The following BORCS5 variants were observed in gnomAD, a reference collection of about 807,000 sequenced individuals.
BORCS5 encodes BLOC-1-related complex subunit 5.
In BORCS5, 17 loss-of-function variants were observed where a neutral mutation model predicts 22.1. The observed-to-expected ratio is 0.77, with a 90% CI of 0.53 to 1.15. BORCS5 has a LOEUF of 1.15. Among genes scored for constraint, BORCS5 ranks in the 50% most tolerant of loss-of-function variants. BORCS5 has a pLI of 0.00. For missense variants in BORCS5, 247 were observed against 253.2 expected, an observed-to-expected ratio of 0.98 and a Z score of 0.17; for synonymous variants, 117 against 99.8, an observed-to-expected ratio of 1.17 and a Z score of -1.03.
intron 2 of BORCS5, among the ~76,000 whole-genome samples, chr12:12,422,651 C>G (rs571749219): frequency 1.3e-5 from 2 of 152,160 alleles, no homozygotes; most frequent in South Asian, 2.1e-4. Flanking sequence ...AGAGGCAGAG[C>G]AGTGACAGCT....
chr12:12,374,176 A>T (rs959545969), intron 2 of BORCS5, among the ~76,000 whole-genome samples: 1 of 150,852 alleles, frequency 6.6e-6, no homozygotes, highest in African/African-American at 2.4e-5. Context: ...TATTTTTAGT[A>T]GAGATGGGGT....
intron 3 of BORCS5, among the ~76,000 whole-genome samples, chr12:12,444,798 G>T (rs1422556349): frequency 6.6e-6 from 1 of 151,814 alleles, no homozygotes; most frequent in Admixed American, 6.6e-5. Flanking sequence ...TATTCAATAT[G>T]ATTTCAACTG....
Position 12,357,390 on chromosome 12 carries a change from C to A in BORCS5, c.-62C>A, listed in dbSNP as rs1863165173. The A allele has an allele frequency of 5.7e-6, 9 of 1,577,748 alleles. No homozygotes were observed. Among genetic ancestry groups the A allele is most frequent in the Admixed American group, 1.8e-5 (1 of 56,958 alleles). ...CCGGTCCCTGGCCCCTGCCCTGTCGCCCGCCGCCGGAGCGGTGACCGCCCG... is the reference window on the plus strand; with the variant it reads ...CCGGTCCCTGGCCCCTGCCCTGTCGACCGCCGCCGGAGCGGTGACCGCCCG... On this transcript the variant is annotated 5_prime_UTR_variant, in exon 1 of 4. Coordinates refer to ENST00000314565, the MANE Select transcript of BORCS5 (RefSeq NM_058169.6).
intron 2 of BORCS5, among the ~76,000 whole-genome samples, chr12:12,362,416 GTTTC>G (rs1446673848): frequency 9.2e-5 from 14 of 152,014 alleles, no homozygotes; most frequent in African/African-American, 3.1e-4. Flanking sequence ...CAAGCTTTCA[GTTTC>G]TTTTTTATTA....
At chr12:12,397,570 A>G (rs1228740838) in intron 2 of BORCS5, among the ~76,000 whole-genome samples, 1 of 152,222 alleles carries the variant, frequency 6.6e-6, no homozygotes, top group East Asian at 1.9e-4. Context: ...GTGGAATGGA[A>G]AGAGTTTTAA....
chr12:12,424,959 C>A (rs999903748), intron 2 of BORCS5, among the ~76,000 whole-genome samples: 27 of 152,206 alleles, frequency 1.8e-4, no homozygotes, highest in Admixed American at 1.6e-3. Context: ...AAAGTCACTT[C>A]AGCGTGAGTG....
intron 2 of BORCS5, among the ~76,000 whole-genome samples, chr12:12,387,883 A>G (rs1863916592): frequency 6.6e-6 from 1 of 151,386 alleles, no homozygotes; most frequent in Non-Finnish European, 1.5e-5. Flanking sequence ...AATCCCCACG[A>G]TTAACACACC....
At chr12:12,436,174 C>T (rs908661173) in intron 3 of BORCS5, among the ~76,000 whole-genome samples, 2 of 152,150 alleles carry the variant, frequency 1.3e-5, no homozygotes, top group African/African-American at 4.8e-5. Context: ...TTAATTGTTT[C>T]CTGTGTATAA....
intron 2 of BORCS5, among the ~76,000 whole-genome samples, chr12:12,403,806 C>T (rs1308585438): frequency 6.6e-6 from 1 of 152,036 alleles, no homozygotes; most frequent in Non-Finnish European, 1.5e-5. Context: ...GGTCAGAGAA[C>T]CAAGGAGTGG....
intron 2 of BORCS5, among the ~76,000 whole-genome samples, chr12:12,369,331 C>T (rs1863471570): frequency 6.6e-6 from 1 of 152,048 alleles, no homozygotes; most frequent in African/African-American, 2.4e-5. Flanking sequence ...TAAAGGGCAT[C>T]TCTTGTAGAC....
chr12:12,407,510 T>G (rs1490034693), intron 2 of BORCS5, among the ~76,000 whole-genome samples: 1 of 152,090 alleles, frequency 6.6e-6, no homozygotes, highest in Non-Finnish European at 1.5e-5. Context: ...ATTTATCATT[T>G]TAATCCTTTT....
In BORCS5 at chr12:12,381,152, C is replaced by T. The variant is rs749806268; in HGVS notation, c.202+19803C>T. ...TTAGCCTCCCAGGTAGCTGGGATTA[C>T]GGGTGCCTGGCTCATTTTTGTGTTT... On this transcript the variant is annotated intron_variant, in intron 2 of 3. Coordinates refer to ENST00000314565, the MANE Select transcript of BORCS5 (RefSeq NM_058169.6). 5.2e-4 allele frequency among the ~76,000 whole-genome samples: 78 copies of T among 150,744 alleles called. 1 individual carries two copies. The highest frequency in any genetic ancestry group is 7.9e-4 in the Non-Finnish European group (53 of 67,484).
rs1176394162 is a variant in BORCS5 at position 12,468,202 on chromosome 12, C to T, written c.*2426C>T. 6.6e-6 allele frequency: 1 copy of T among 152,224 alleles called. No individual in the cohort carries two copies. The allele number at this position is 152,224 out of a possible 1,614,324, so 9.4% of individuals were successfully genotyped here. Reference sequence around the variant, plus strand: ...TAATTGCTCAAACCGCTTTCACAATCCTCTCTTTCTACATCATTCCTAGTG... The same window carrying T: ...TAATTGCTCAAACCGCTTTCACAATTCTCTCTTTCTACATCATTCCTAGTG... On this transcript the variant is annotated 3_prime_UTR_variant, in exon 4 of 4. Transcript: ENST00000314565.
chr12:12,396,707 T>C (rs1474085476), intron 2 of BORCS5, among the ~76,000 whole-genome samples: 1 of 152,224 alleles, frequency 6.6e-6, no homozygotes, highest in African/African-American at 2.4e-5. Flanking sequence ...TCTGGGTCTG[T>C]ATGTTTAAAC....
At chr12:12,419,385 T>A (rs943702816) in intron 2 of BORCS5, among the ~76,000 whole-genome samples, 1 of 152,242 alleles carries the variant, frequency 6.6e-6, no homozygotes, top group African/African-American at 2.4e-5. Flanking sequence ...CATCCTTTTT[T>A]ATGGCTGCAT....
At chr12:12,437,196 C>A (rs1426237152) in intron 3 of BORCS5, among the ~76,000 whole-genome samples, 3 of 152,226 alleles carry the variant, frequency 2.0e-5, no homozygotes, top group Non-Finnish European at 4.4e-5. Flanking sequence ...CTTTCCCATG[C>A]TGTTCGCATG....
At chr12:12,454,065 T>C (rs996852902) in intron 3 of BORCS5, among the ~76,000 whole-genome samples, 2 of 152,252 alleles carry the variant, frequency 1.3e-5, no homozygotes, top group African/African-American at 4.8e-5. Context: ...GACCACATTT[T>C]GTTTATCCAT....
intron 2 of BORCS5, among the ~76,000 whole-genome samples, chr12:12,364,551 C>T (rs1863364379): frequency 6.6e-6 from 1 of 152,090 alleles, no homozygotes; most frequent in Non-Finnish European, 1.5e-5. Context: ...TATAAGTGGA[C>T]CCACGTGGTT....
intron 1 of BORCS5, among the ~76,000 whole-genome samples, chr12:12,360,426 C>G (rs1470568495): frequency 1.3e-5 from 2 of 152,010 alleles, no homozygotes; most frequent in African/African-American, 2.4e-5. Flanking sequence ...TTTTTTGAGA[C>G]TCTTGCTGTC....
Sources: allele counts gnomAD v4.1 joint callset (sites outside exome capture counted in the v4.1 genomes callset), GRCh38; gene constraint gnomAD v4.1.1; transcripts MANE v1.5; gene names NCBI Gene and HGNC (gene_info 2026-07-23, HGNC 2026-07-21).